Variants in MCF2L2 observed in about 807,000 individuals in gnomAD.
MCF2L2 encodes MCF.2 cell line derived transforming sequence-like 2, also known as probable guanine nucleotide exchange factor MCF2L2.
Under a neutral mutation model 150.2 loss-of-function variants are expected in MCF2L2, and 102 were observed. The observed-to-expected ratio is 0.68, with a 90% CI of 0.58 to 0.80. The LOEUF is 0.80. MCF2L2 is among the 30% of genes least tolerant of loss of function. The pLI is 0.00. For missense variants in MCF2L2, 1,256 were observed against 1,372.8 expected, an observed-to-expected ratio of 0.91 and a Z score of 1.34; for synonymous variants, 465 against 491.3, an observed-to-expected ratio of 0.95 and a Z score of 0.71.
At chr3:183,337,792 A>C (rs1227211343) in intron 5 of MCF2L2, among the ~76,000 whole-genome samples, 1 of 152,186 alleles carries the variant, frequency 6.6e-6, no homozygotes, top group Non-Finnish European at 1.5e-5. Flanking sequence ...TATCTGTAGA[A>C]TAACTTTACA....
chr3:183,231,622 C>T (rs1029224939), intron 15 of MCF2L2, among the ~76,000 whole-genome samples: 4 of 151,078 alleles, frequency 2.6e-5, no homozygotes, highest in Non-Finnish European at 4.4e-5. Flanking sequence ...ACCCAGCTAA[C>T]GCCTTTTTTT....
At chr3:183,278,462 T>G (rs944885933) in intron 14 of MCF2L2, among the ~76,000 whole-genome samples, 5 of 152,210 alleles carry the variant, frequency 3.3e-5, no homozygotes, top group Non-Finnish European at 7.4e-5. Context: ...CTACCAAAAG[T>G]CTTTCTTCAC....
rs996379700 is a variant in MCF2L2 at position 183,427,930 on chromosome 3, C to T, written c.48G>A (p.Arg16=). The T allele has an allele frequency of 1.2e-6, 2 of 1,614,148 alleles. No homozygotes were observed. Among genetic ancestry groups the T allele is most frequent in the African/African-American group, 1.3e-5 (1 of 75,046 alleles). The stretch of plus-strand genomic sequence containing the variant: ...CATGAGTGATCACTGTGGCCAGTCG[C>T]CGGGTGAGCTCCTGGGGAGGCATCT... ...KEEMPPQELT[R]RLATVITHVD... The change falls in exon 1 of 30, where the codon CGG becomes CGA. Residue 16 remains arginine (R), a synonymous_variant. Coordinates refer to ENST00000328913, the MANE Select transcript of MCF2L2 (RefSeq NM_015078.4).
At chr3:183,370,479 T>C (rs1000544400) in intron 3 of MCF2L2, among the ~76,000 whole-genome samples, 2 of 152,262 alleles carry the variant, frequency 1.3e-5, no homozygotes, top group African/African-American at 4.8e-5. Flanking sequence ...TTAGCACTCA[T>C]AAATTCAAGC....
Position 183,249,404 on chromosome 3 carries a change from C to T in MCF2L2, c.1863-18387G>A, listed in dbSNP as rs530728014. Among the ~76,000 whole-genome samples the T allele has an allele frequency of 1.2e-4, 19 of 152,328 alleles. 1 individual carries two copies. The highest frequency in any genetic ancestry group is 6.5e-4 in the Admixed American group (10 of 15,306). ...TCCCAGCCAGCAGGGCCTGCCCCTC[C>T]GAAACTGTCCCTGTCCCTGTCCCTG... On this transcript the variant is annotated intron_variant, in intron 15 of 29. Coordinates refer to ENST00000328913, the MANE Select transcript of MCF2L2 (RefSeq NM_015078.4).
intron 2 of MCF2L2, among the ~76,000 whole-genome samples, chr3:183,381,592 G>A (rs1338493276): frequency 6.6e-6 from 1 of 152,214 alleles, no homozygotes; most frequent in Non-Finnish European, 1.5e-5. Flanking sequence ...TTCTGCATGA[G>A]TCTCTTGTGA....
At chr3:183,342,866 G>T (rs764722120) in intron 3 of MCF2L2, among the ~76,000 whole-genome samples, 30 of 152,042 alleles carry the variant, frequency 2.0e-4, no homozygotes, top group Non-Finnish European at 4.1e-4. Context: ...GTAAAAGGTG[G>T]GCTTTACCCT....
chr3:183,403,129 G>A (rs768879450), intron 1 of MCF2L2, among the ~76,000 whole-genome samples: 2 of 151,940 alleles, frequency 1.3e-5, no homozygotes, highest in Non-Finnish European at 1.5e-5. Flanking sequence ...AAAATTAGCT[G>A]GGTGTGGTGG....
At chr3:183,407,400 A>T (rs1331390152) in intron 1 of MCF2L2, among the ~76,000 whole-genome samples, 3 of 152,224 alleles carry the variant, frequency 2.0e-5, no homozygotes, top group African/African-American at 7.2e-5. Context: ...TATACAATAG[A>T]TTTTTTATTG....
At chr3:183,336,861 A>G (rs1730502576) in intron 5 of MCF2L2, among the ~76,000 whole-genome samples, 1 of 128,894 alleles carries the variant, frequency 7.8e-6, no homozygotes, top group South Asian at 2.3e-4. Context: ...ATCTCAAAAA[A>G]AAAATATATA....
intron 15 of MCF2L2, among the ~76,000 whole-genome samples, chr3:183,262,234 G>C (rs1384698922): frequency 7.8e-6 from 1 of 128,852 alleles, no homozygotes; most frequent in East Asian, 2.1e-4. Flanking sequence ...TATACACTAA[G>C]GGTTAGTCTT....
intron 1 of MCF2L2, chr3:183,400,443 G>C: frequency 4.4e-6 from 2 of 456,598 alleles, no homozygotes; most frequent in Non-Finnish European, 8.8e-6. Context: ...CAAGGTGTAA[G>C]GTGAGTATCT....
Position 183,318,071 on chromosome 3 carries a change from C to T in MCF2L2, c.750G>A (p.Leu250=), listed in dbSNP as rs757822906. 6 of 1,613,662 alleles carry T rather than the reference C, an allele frequency of 3.7e-6. No individual in the cohort carries two copies. The South Asian group carries it at 6.6e-5, about 18-fold the overall frequency. The change falls in exon 7 of 30, where the codon CTG becomes CTA. Residue 250 remains leucine (L), a synonymous_variant. Coordinates refer to ENST00000328913, the MANE Select transcript of MCF2L2 (RefSeq NM_015078.4). ...TGAGAGGTCACTGACCGCTCACCTG[C>T]AGCTTGTCCCGCTGCCTTGTGTGGG... is the stretch of plus-strand genomic sequence containing the variant. ...LMSHTRQRDK[L]QDELKLLGKQ...
At chr3:183,316,528 A>C (rs1018089235) in intron 7 of MCF2L2, among the ~76,000 whole-genome samples, 3 of 151,648 alleles carry the variant, frequency 2.0e-5, no homozygotes, top group African/African-American at 7.3e-5. Flanking sequence ...TGTTTTTAGT[A>C]GAGACAAGGT....
At chr3:183,249,219 A>G (rs1560366815) in intron 15 of MCF2L2, among the ~76,000 whole-genome samples, 1 of 152,264 alleles carries the variant, frequency 6.6e-6, no homozygotes, top group Non-Finnish European at 1.5e-5. Flanking sequence ...GGACCTGCAC[A>G]GAACCCTGTA....
chr3:183,386,591 T>G (rs1460680246), intron 2 of MCF2L2, among the ~76,000 whole-genome samples: 1 of 152,210 alleles, frequency 6.6e-6, no homozygotes, highest in Non-Finnish European at 1.5e-5. Context: ...GGTCTCTGGC[T>G]CCTTCCAGAG....
At chr3:183,206,082 A>C (rs780492066) in intron 24 of MCF2L2, 40 bp downstream of exon 24, 1 of 1,586,022 alleles carries the variant, frequency 6.3e-7, no homozygotes, top group Non-Finnish European at 8.7e-7. Flanking sequence ...CACAATAAGG[A>C]AAGAGTAGAG....
intron 1 of MCF2L2, among the ~76,000 whole-genome samples, chr3:183,405,197 A>C (rs1225194610): frequency 6.6e-6 from 1 of 152,222 alleles, no homozygotes; most frequent in African/African-American, 2.4e-5. Context: ...AAAAAGCTAG[A>C]GAGATATAGC....
chr3:183,337,171 C>T (rs775794597), intron 5 of MCF2L2, among the ~76,000 whole-genome samples: 2 of 152,020 alleles, frequency 1.3e-5, no homozygotes, highest in African/African-American at 4.8e-5. Flanking sequence ...TATACTTTTC[C>T]GCTGACCAGC....
Sources: allele counts gnomAD v4.1 joint callset (sites outside exome capture counted in the v4.1 genomes callset), GRCh38; gene constraint gnomAD v4.1.1; transcripts MANE v1.5; gene names NCBI Gene and HGNC (gene_info 2026-07-23, HGNC 2026-07-21).